The following PTPRN2 variants were observed in gnomAD, a reference collection of about 807,000 sequenced individuals.
PTPRN2 encodes protein tyrosine phosphatase receptor type N2.
A neutral mutation model predicts 118.8 loss-of-function variants in PTPRN2; 74 were observed. The observed-to-expected ratio is 0.62, with a 90% CI of 0.52 to 0.76. The LOEUF is 0.76. PTPRN2 is among the 30% of genes least tolerant of loss of function. PTPRN2 has a pLI of 0.00. For synonymous variants in PTPRN2, 641 were observed against 608.0 expected (o/e 1.05, Z -0.80); for missense variants, 1,481 against 1,394.4 (o/e 1.06, Z -0.99).
chr7:158,438,257 A>C lies in PTPRN2; in HGVS notation c.163+51478T>G, dbSNP rs1436708145. The stretch of plus-strand genomic sequence containing the variant: ...GCCAGGCGTGGTGGTGCATGCCTGT[A>C]ATCCCAGCTACTGGGAGGCTGAGGC... On this transcript the variant is annotated intron_variant, in intron 2 of 22. Coordinates refer to ENST00000389418, the MANE Select transcript of PTPRN2 (RefSeq NM_002847.5). This position sits in a 1 kb window ranked among gnomAD's most constrained non-coding sequence, Gnocchi z 4.7. 2.6e-5 allele frequency among the ~76,000 whole-genome samples: 4 copies of C among 152,132 alleles called. No homozygotes were observed. The highest frequency in any genetic ancestry group is 9.7e-5 in the African/African-American group (4 of 41,434).
intron 3 of PTPRN2, among the ~76,000 whole-genome samples, chr7:158,212,549 C>T (rs1827679938): frequency 6.6e-6 from 1 of 152,078 alleles, no homozygotes; most frequent in South Asian, 2.1e-4. Flanking sequence ...AAAAAATAGA[C>T]TTAATGGGTG....
rs575025347 is a variant in PTPRN2, at chr7:157,818,079, G to C, written c.1788+80594C>G. Among the ~76,000 whole-genome samples, 44 of 150,142 alleles carry C rather than the reference G, an allele frequency of 2.9e-4. No individual in the cohort carries two copies. In the South Asian group the frequency reaches 8.7e-3, roughly 30 times the overall value. ...GTGGCATGTGTGGTGTGTGTGGTGT[G>C]TGCATATGTGGTATGTGTGTTGTGT... On this transcript the variant is annotated intron_variant, in intron 12 of 22. Coordinates refer to ENST00000389418, the MANE Select transcript of PTPRN2 (RefSeq NM_002847.5).
intron 5 of PTPRN2, among the ~76,000 whole-genome samples, chr7:158,189,066 C>A (rs1489735763): frequency 6.6e-6 from 1 of 152,152 alleles, no homozygotes; most frequent in African/African-American, 2.4e-5. Flanking sequence ...TCTCATGGGG[C>A]ATCACTAGGA....
intron 14 of PTPRN2, among the ~76,000 whole-genome samples, chr7:157,636,932 C>T (rs1296219419): frequency 1.3e-5 from 2 of 152,170 alleles, no homozygotes; most frequent in Non-Finnish European, 2.9e-5. Context: ...TAAATATCTT[C>T]TAAGCCTTTG....
At position 158,410,800 on chromosome 7, in the gene PTPRN2, G is replaced by A. The variant is rs191070872; in HGVS notation, c.163+78935C>T. 1.1e-3 allele frequency among the ~76,000 whole-genome samples: 88 copies of A among 83,784 alleles called. 1 individual carries two copies. In the East Asian group the frequency reaches 0.029, roughly 28 times the overall value. The allele number at this position is 83,784 out of a possible 152,430, so 55.0% of individuals were successfully genotyped here. On this transcript the variant is annotated intron_variant, in intron 2 of 22. Transcript: ENST00000389418. Reference sequence around the variant, plus strand: ...TCCCTGTAGGGAGAGGAGAAGACACGGAGACACAGGGAAGGGGTGTTGGTG... The same window carrying A: ...TCCCTGTAGGGAGAGGAGAAGACACAGAGACACAGGGAAGGGGTGTTGGTG...
intron 11 of PTPRN2, among the ~76,000 whole-genome samples, chr7:157,920,265 A>G (rs1563239687): frequency 6.6e-6 from 1 of 152,226 alleles, no homozygotes; most frequent in East Asian, 1.9e-4. Flanking sequence ...TGAAAATACA[A>G]AACGTTTTTC....
rs139456050 is a variant in PTPRN2, at chr7:158,076,537, A to C, written c.1723+4761T>G. 2.0e-5 allele frequency among the ~76,000 whole-genome samples: 3 copies of C among 152,382 alleles called. No individual in the cohort carries two copies. In the East Asian group the frequency reaches 5.8e-4, roughly 29 times the overall value. On this transcript the variant is annotated intron_variant, in intron 11 of 22. Transcript: ENST00000389418. ...GGAGCTGATTCCATCAGCTGCAGTG[A>C]AACTCAGGCCCAAGTCCTTCTTAGT...
rs886708340 is a variant in PTPRN2, at chr7:157,987,666, G to A, written c.1724-88929C>T. 5.3e-5 allele frequency among the ~76,000 whole-genome samples: 8 copies of A among 152,090 alleles called. No homozygotes were observed. Among genetic ancestry groups the A allele is most frequent in the African/African-American group, 1.9e-4 (8 of 41,412 alleles). On this transcript the variant is annotated intron_variant, in intron 11 of 22. Transcript: ENST00000389418. The surrounding 1 kb of genome is among the most constrained non-coding windows in gnomAD (Gnocchi z 4.3). ...TGAACAGTTGGAATACAGGTTCCTC[G>A]GGCCTGTCCTAAATGCTATCAGTCT...
chr7:158,271,098 T>TGCCCCCTCCACCTGGACC (rs1563069528), intron 3 of PTPRN2, among the ~76,000 whole-genome samples: 206 of 47,386 alleles, frequency 4.3e-3, no homozygotes, highest in Non-Finnish European at 7.2e-3. Flanking sequence ...CCACCTGGGC[T>TGCCCCCTCCACCTGGACC]GCCCCCTCCA....
At chr7:157,569,347 G>C (rs1799647933) in intron 20 of PTPRN2, among the ~76,000 whole-genome samples, 1 of 152,262 alleles carries the variant, frequency 6.6e-6, no homozygotes, top group Non-Finnish European at 1.5e-5. Flanking sequence ...GCCTTCTCTA[G>C]TGTTGCCGGG....
At chr7:158,309,364 T>C (rs1435142295) in intron 3 of PTPRN2, among the ~76,000 whole-genome samples, 1 of 152,238 alleles carries the variant, frequency 6.6e-6, no homozygotes, top group African/African-American at 2.4e-5. Flanking sequence ...GCTACTCCCC[T>C]GCGGGATGCT....
At chr7:157,691,835 G>C (rs1052828682) in intron 12 of PTPRN2, among the ~76,000 whole-genome samples, 4 of 152,180 alleles carry the variant, frequency 2.6e-5, no homozygotes, top group Non-Finnish European at 5.9e-5. Context: ...CTAGGGTCTC[G>C]GGGCGACTAG....
At position 158,166,935 on chromosome 7, in the gene PTPRN2, G is replaced by A. The variant is rs1284948819; in HGVS notation, c.906C>T (p.Gly302=). The A allele has an allele frequency of 1.8e-5, 25 of 1,424,902 alleles. No individual in the cohort carries two copies. Among genetic ancestry groups the A allele is most frequent in the Middle Eastern group, 4.4e-4 (2 of 4,596 alleles). The allele number at this position is 1,424,902 out of a possible 1,614,324, so 88.3% of individuals were successfully genotyped here. ...LGDSEDPSST[G]DGARIHTLLK... is the part of the protein sequence containing the mutation. Reference sequence around the variant, plus strand: ...CACCAAGCGGGGCTGGCTCACCATCGCCTGTGCTGGAGGGGTCTTCGGAAT... The same window carrying A: ...CACCAAGCGGGGCTGGCTCACCATCACCTGTGCTGGAGGGGTCTTCGGAAT... Residue 302 remains glycine, a synonymous_variant, in exon 6 of 23, where the codon GGC becomes GGT. Coordinates refer to ENST00000389418, the MANE Select transcript of PTPRN2 (RefSeq NM_002847.5).
rs1416556568 is a variant in PTPRN2 at position 157,671,113 on chromosome 7, G to A, written c.2001+11612C>T. 4.8e-5 allele frequency among the ~76,000 whole-genome samples: 7 copies of A among 145,640 alleles called. No individual in the cohort carries two copies. The highest frequency in any genetic ancestry group is 2.0e-4 in the East Asian group (1 of 5,056). ...GGGTTTACATGCTCCCCCGCCCCCC[G>A]TCCCCTGCCCACAGACCTGCTCTTA... is the stretch of plus-strand genomic sequence containing the variant. On this transcript the variant is annotated intron_variant, in intron 13 of 22. Transcript: ENST00000389418. This position sits in a 1 kb window ranked among gnomAD's most constrained non-coding sequence, Gnocchi z 4.1.
chr7:157,735,601 G>A (rs1490911218), intron 12 of PTPRN2, among the ~76,000 whole-genome samples: 1 of 152,210 alleles, frequency 6.6e-6, no homozygotes, highest in African/African-American at 2.4e-5. Flanking sequence ...ATAAATGGAA[G>A]TCTACTTAAC....
At chr7:157,732,004 G>A (rs1276937749) in intron 12 of PTPRN2, among the ~76,000 whole-genome samples, 1 of 73,368 alleles carries the variant, frequency 1.4e-5, no homozygotes, top group Non-Finnish European at 2.8e-5. Flanking sequence ...ACCCTTTCCC[G>A]TCCCATGGCC....
rs149660610 is a variant in PTPRN2 at position 158,501,061 on chromosome 7, G to A, written c.113-11276C>T. On this transcript the variant is annotated intron_variant, in intron 1 of 22. Coordinates refer to ENST00000389418, the MANE Select transcript of PTPRN2 (RefSeq NM_002847.5). ...GTGTGAGGCTCGGAGCACTCAGGGC[G>A]CCCTTCCGGTAATGGGAATGTTATC... Among the ~76,000 whole-genome samples the A allele has an allele frequency of 1.6e-4, 24 of 152,358 alleles. No homozygotes were observed. In the East Asian group the frequency reaches 3.7e-3, roughly 23 times the overall value.
intron 3 of PTPRN2, among the ~76,000 whole-genome samples, chr7:158,293,235 C>T (rs1312965011): frequency 1.3e-5 from 2 of 152,048 alleles, no homozygotes; most frequent in Admixed American, 6.6e-5. Context: ...ACTTAGGCTA[C>T]ACTAAATTTA....
At chr7:157,828,410 A>G (rs1807329617) in intron 12 of PTPRN2, among the ~76,000 whole-genome samples, 1 of 152,224 alleles carries the variant, frequency 6.6e-6, no homozygotes, top group Non-Finnish European at 1.5e-5. Flanking sequence ...CACTTCCGCA[A>G]GCCCTCGGCA....
Sources: gnomAD v4.1 joint callset for allele counts (sites outside exome capture counted in the v4.1 genomes callset) on GRCh38, gnomAD v4.1.1 for gene constraint, Gnocchi (gnomAD v3.1) non-coding constraint, MANE v1.5 for transcripts, NCBI Gene and HGNC (gene_info 2026-07-23, HGNC 2026-07-21) for gene names.